The following FAM168A variants were observed in gnomAD, a reference collection of about 807,000 sequenced individuals.
FAM168A encodes protein FAM168A.
In FAM168A, 3 loss-of-function variants were observed where a neutral mutation model predicts 28.5. That is an observed-to-expected ratio of 0.11 (90% CI 0.05 to 0.27). The LOEUF (loss-of-function observed/expected upper bound fraction) is 0.27. Among genes scored for constraint, FAM168A ranks in the 10% least tolerant of loss-of-function variants. The pLI is 1.00. For synonymous variants in FAM168A, 122 were observed against 124.2 expected, an observed-to-expected ratio of 0.98 and a Z score of 0.12; for missense variants, 222 against 311.5, an observed-to-expected ratio of 0.71 and a Z score of 2.16.
intron 1 of FAM168A, among the ~76,000 whole-genome samples, chr11:73,479,793 G>A (rs1867943490): frequency 6.6e-6 from 1 of 152,182 alleles, no homozygotes. Context: ...AAAAGGGCCT[G>A]ATATTAAAGC....
At chr11:73,562,783 AC>A (rs1943974339) in intron 1 of FAM168A, among the ~76,000 whole-genome samples, 1 of 152,244 alleles carries the variant, frequency 6.6e-6, no homozygotes, top group South Asian at 2.1e-4. Flanking sequence ...CCAAGATCGC[AC>A]CACTGCATTT....
At chr11:73,550,074 T>C (rs2134690785) in intron 1 of FAM168A, among the ~76,000 whole-genome samples, 1 of 152,366 alleles carries the variant, frequency 6.6e-6, no homozygotes, top group South Asian at 2.1e-4. Context: ...TGAATAAATA[T>C]ATATGAATGA....
intron 1 of FAM168A, among the ~76,000 whole-genome samples, chr11:73,532,265 C>T (rs992026468): frequency 6.6e-6 from 1 of 152,146 alleles, no homozygotes; most frequent in Non-Finnish European, 1.5e-5. Flanking sequence ...TCTTTCCAAA[C>T]AAACCATGAG....
At chr11:73,465,312 GA>G (rs984559286) in intron 2 of FAM168A, among the ~76,000 whole-genome samples, 6 of 150,680 alleles carry the variant, frequency 4.0e-5, no homozygotes, top group Non-Finnish European at 7.4e-5. Context: ...AAGAAAAGAT[GA>G]GAAGAATGTT....
rs1407646367 is a variant in FAM168A, at chr11:73,542,184, C to A, written c.-19+55739G>T. On this transcript the variant is annotated intron_variant, in intron 1 of 7. Coordinates refer to ENST00000356467, the MANE Select transcript of FAM168A (RefSeq NM_015159.3). The stretch of plus-strand genomic sequence containing the variant: ...ATGGCTTTATATATGCTAATTACTC[C>A]CAAATTTATTATCTCCAACTTGAAC... Among the ~76,000 whole-genome samples, 4 of 152,188 alleles carry A rather than the reference C, an allele frequency of 2.6e-5. No individual in the cohort carries two copies. The East Asian group carries it at 7.7e-4, about 29-fold the overall frequency.
chr11:73,529,162 C>G (rs1038868202), intron 1 of FAM168A, among the ~76,000 whole-genome samples: 7 of 152,178 alleles, frequency 4.6e-5, no homozygotes, highest in East Asian at 3.9e-4. Context: ...GCCCAGCCCC[C>G]CAAACAGCTA....
chr11:73,449,392 GA>G (rs200713274), intron 2 of FAM168A, among the ~76,000 whole-genome samples: 20 of 149,650 alleles, frequency 1.3e-4, no homozygotes, highest in African/African-American at 2.9e-4. Context: ...TAAGCTACAT[GA>G]AAAAAAAAAT....
At chr11:73,411,853 G>C (rs1162370404) in intron 4 of FAM168A, among the ~76,000 whole-genome samples, 1 of 152,174 alleles carries the variant, frequency 6.6e-6, no homozygotes, top group Non-Finnish European at 1.5e-5. Flanking sequence ...ATTTGGAGCT[G>C]TCTGTGTGAA....
intron 1 of FAM168A, among the ~76,000 whole-genome samples, chr11:73,476,598 G>A (rs1186862623): frequency 1.3e-5 from 2 of 151,804 alleles, no homozygotes; most frequent in African/African-American, 2.4e-5. Context: ...GGGAAAAACA[G>A]GTAACAATAA....
chr11:73,410,836 C>T (rs1310483523), intron 5 of FAM168A, among the ~76,000 whole-genome samples: 1 of 152,136 alleles, frequency 6.6e-6, no homozygotes, highest in Non-Finnish European at 1.5e-5. Flanking sequence ...TCTCTCATAC[C>T]AATCCTGGAA....
intron 1 of FAM168A, among the ~76,000 whole-genome samples, chr11:73,510,020 C>A (rs1324332294): frequency 2.6e-5 from 4 of 152,152 alleles, no homozygotes. Flanking sequence ...AGTCTAATTG[C>A]TTCTCTCCAA....
chr11:73,430,918 T>A, intron 2 of FAM168A, 148 bp from the exon 3 acceptor site: 1 of 561,904 alleles, frequency 1.8e-6, no homozygotes, highest in Non-Finnish European at 3.0e-6. Context: ...TTCCAGATAG[T>A]ATATGTGACC....
At chr11:73,528,162 ATC>A (rs1054307704) in intron 1 of FAM168A, among the ~76,000 whole-genome samples, 1 of 152,154 alleles carries the variant, frequency 6.6e-6, no homozygotes, top group African/African-American at 2.4e-5. Context: ...CTAGAACAGA[ATC>A]TCTCCCAGGC....
intron 2 of FAM168A, among the ~76,000 whole-genome samples, chr11:73,451,688 C>A (rs1347867653): frequency 1.3e-5 from 2 of 152,248 alleles, no homozygotes; most frequent in African/African-American, 4.8e-5. Context: ...CAGTAACATG[C>A]TGTACAGATT....
chr11:73,503,894 G>A (rs1162091341), intron 1 of FAM168A, among the ~76,000 whole-genome samples: 1 of 152,142 alleles, frequency 6.6e-6, no homozygotes, highest in Non-Finnish European at 1.5e-5. Flanking sequence ...ACAAAAACAA[G>A]CACTGGGGAA....
intron 1 of FAM168A, among the ~76,000 whole-genome samples, chr11:73,524,015 GC>G (rs1943418590): frequency 6.6e-6 from 1 of 151,938 alleles, no homozygotes; most frequent in Non-Finnish European, 1.5e-5. Flanking sequence ...AGGAGCCACT[GC>G]CCCCGGCCCC....
intron 2 of FAM168A, among the ~76,000 whole-genome samples, chr11:73,444,553 T>C (rs1867264556): frequency 6.6e-6 from 1 of 152,278 alleles, no homozygotes; most frequent in African/African-American, 2.4e-5. Flanking sequence ...CAATCTTTTG[T>C]GCATTTTAAA....
At chr11:73,442,271 G>A (rs1867210667) in intron 2 of FAM168A, among the ~76,000 whole-genome samples, 1 of 151,640 alleles carries the variant, frequency 6.6e-6, no homozygotes, top group Admixed American at 6.6e-5. Context: ...GACTACAGGC[G>A]CCCGCCACCA....
chr11:73,595,700 T>C (rs759555107), intron 1 of FAM168A, among the ~76,000 whole-genome samples: 4 of 152,224 alleles, frequency 2.6e-5, no homozygotes, highest in African/African-American at 9.6e-5. Context: ...TTCTGATGAA[T>C]AGGTGGAGAT....
Sources: allele counts gnomAD v4.1 joint callset (sites outside exome capture counted in the v4.1 genomes callset), GRCh38; gene constraint gnomAD v4.1.1; transcripts MANE v1.5; gene names NCBI Gene and HGNC (gene_info 2026-07-23, HGNC 2026-07-21).